The following IARS2 variants were observed in gnomAD, a reference collection of about 807,000 sequenced individuals.
IARS2 encodes isoleucine--tRNA ligase, mitochondrial.
A neutral mutation model predicts 126.3 loss-of-function variants in IARS2; 56 were observed. The ratio of observed to expected loss-of-function variants is 0.44; its 90% CI spans 0.36 to 0.55. The LOEUF is 0.55. IARS2 is among the 20% of genes least tolerant of loss of function. The pLI, the probability that IARS2 is intolerant of heterozygous loss-of-function variation, is 0.00. For missense variants in IARS2, 1,127 were observed against 1,245.9 expected (o/e 0.90, Z 1.44); for synonymous variants, 407 against 441.1 (o/e 0.92, Z 0.97).
chr1:220,120,665 C>T (rs747107505), intron 12 of IARS2, among the ~76,000 whole-genome samples: 3 of 152,054 alleles, frequency 2.0e-5, no homozygotes, highest in African/African-American at 4.8e-5. Context: ...TGTGAGCCAC[C>T]GTGCCCGCCC....
intron 12 of IARS2, among the ~76,000 whole-genome samples, chr1:220,123,671 G>T (rs1265807302): frequency 6.6e-6 from 1 of 152,038 alleles, no homozygotes; most frequent in East Asian, 1.9e-4. Flanking sequence ...TAGAGATGGG[G>T]TTTCACCGTG....
intron 1 of IARS2, among the ~76,000 whole-genome samples, chr1:220,095,488 G>A (rs1206921329): frequency 6.6e-6 from 1 of 152,132 alleles, no homozygotes; most frequent in Non-Finnish European, 1.5e-5. Context: ...TTTTTTAAAG[G>A]TTTTTTAGTC....
At chr1:220,110,364 T>C (rs1017495195) in intron 10 of IARS2, among the ~76,000 whole-genome samples, 1 of 151,820 alleles carries the variant, frequency 6.6e-6, no homozygotes, top group Non-Finnish European at 1.5e-5. Context: ...CCAGCCAAGT[T>C]GACTACTCTT....
intron 10 of IARS2, 84 bp downstream of exon 10, chr1:220,107,235 A>G (rs1422114961): frequency 1.7e-5 from 14 of 809,232 alleles, no homozygotes; most frequent in Middle Eastern, 4.6e-4. Flanking sequence ...CCCTCCTTAT[A>G]CTTTAACAGA....
intron 12 of IARS2, among the ~76,000 whole-genome samples, chr1:220,115,104 A>T (rs1656887744): frequency 6.6e-6 from 1 of 152,172 alleles, no homozygotes; most frequent in African/African-American, 2.4e-5. Flanking sequence ...TTCCAGAAAA[A>T]ATGAATTCTT....
At chr1:220,096,076 T>C in intron 1 of IARS2, 28 bp from the exon 2 acceptor site, 1 of 1,267,440 alleles carries the variant, frequency 7.9e-7, no homozygotes, top group Non-Finnish European at 1.1e-6. Flanking sequence ...TATATGATGT[T>C]TAGATATCTT....
chr1:220,147,604 C>T lies in IARS2; in HGVS notation c.3008C>T (p.Pro1003Leu), dbSNP rs375446379. 1.2e-6 allele frequency: 2 copies of T among 1,613,944 alleles called. No individual in the cohort carries two copies. Among genetic ancestry groups the T allele is most frequent in the African/African-American group, 2.7e-5 (2 of 74,900 alleles). The change falls in exon 23 of 23, where the codon CCT becomes CTT. Residue 1003 changes from proline (P) to leucine (L), a missense_variant. Pro to Leu is a moderately conservative substitution (Grantham distance 98). Transcript: ENST00000366922. ...YTAESSDTLC[P>L]RCAEVVSGK Reference sequence around the variant, plus strand: ...GCGGAGTCTTCAGATACACTGTGTCCTCGATGTGCAGAAGTTGTCAGTGGA... The same window carrying T: ...GCGGAGTCTTCAGATACACTGTGTCTTCGATGTGCAGAAGTTGTCAGTGGA...
chr1:220,094,960 A>AC lies in IARS2; in HGVS notation c.267+484dup, dbSNP rs1196536306. ...GAGACCATATTGGCTAGTCACCCCC[A>AC]CCCCCCCGTCCTTAAAAAAAACCTT... On this transcript the variant is annotated intron_variant, in intron 1 of 22. Transcript: ENST00000366922. 9.2e-4 allele frequency among the ~76,000 whole-genome samples: 134 copies of AC among 145,656 alleles called. 2 individuals are homozygous for AC. The highest frequency in any genetic ancestry group is 2.9e-3 in the African/African-American group (115 of 39,544).
chr1:220,117,965 C>G (rs1172100733), intron 12 of IARS2: 2 of 486,396 alleles, frequency 4.1e-6, no homozygotes, highest in South Asian at 3.1e-5. Context: ...TGAATGATGA[C>G]TTTAATCCTC....
At chr1:220,145,874 G>C (rs1032755445) in intron 22 of IARS2, among the ~76,000 whole-genome samples, 1 of 152,312 alleles carries the variant, frequency 6.6e-6, no homozygotes, top group Non-Finnish European at 1.5e-5. Flanking sequence ...AGAAGAGGGA[G>C]AGAGATTTTC....
At chr1:220,107,178 A>T in intron 10 of IARS2, 27 bp downstream of exon 10, 1 of 1,501,818 alleles carries the variant, frequency 6.7e-7, no homozygotes, top group Non-Finnish European at 9.3e-7. Flanking sequence ...TTGATATCAT[A>T]CATGTTTTCT....
chr1:220,139,523 G>C (rs918928640), intron 18 of IARS2, among the ~76,000 whole-genome samples: 1 of 152,178 alleles, frequency 6.6e-6, no homozygotes, highest in African/African-American at 2.4e-5. Context: ...GGCCGAGGTG[G>C]GAGGATTGCT....
intron 21 of IARS2, among the ~76,000 whole-genome samples, chr1:220,144,873 A>T (rs983565136): frequency 1.3e-5 from 2 of 152,168 alleles, no homozygotes; most frequent in African/African-American, 4.8e-5. Flanking sequence ...CTTATTTCTC[A>T]TGGGCTTTAA....
At chr1:220,140,766 C>T (rs542577477) in intron 19 of IARS2, among the ~76,000 whole-genome samples, 4 of 151,886 alleles carry the variant, frequency 2.6e-5, no homozygotes, top group South Asian at 4.2e-4. Context: ...GGGCGGATCA[C>T]GAGGTCAGGA....
chr1:220,127,716 A>G (rs1455863010), intron 14 of IARS2, among the ~76,000 whole-genome samples: 1 of 152,200 alleles, frequency 6.6e-6, no homozygotes, highest in African/African-American at 2.4e-5. Context: ...ACACAATAGG[A>G]TTCCTAGTAG....
At position 220,136,917 on chromosome 1, in the gene IARS2, T is replaced by TGA; in HGVS notation, c.2049+7_2049+8dup. On this transcript the variant is annotated splice_region_variant and intron_variant, in intron 16 of 22. Coordinates refer to ENST00000366922, the MANE Select transcript of IARS2 (RefSeq NM_018060.4). ...TTGTCGTTAATGGAGGACAAGTAGG[T>TGA]GATTCTCTAAAATGTATTTTATTTT... The TGA allele has an allele frequency of 6.5e-7, 1 of 1,538,358 alleles. No homozygotes were observed. The highest frequency in any genetic ancestry group is 9.0e-7 in the Non-Finnish European group (1 of 1,114,940).
rs749120971 is a variant in IARS2, at chr1:220,094,194, C to T, written c.-23C>T. The T allele has an allele frequency of 3.1e-5, 48 of 1,532,432 alleles. No individual in the cohort carries two copies. Among genetic ancestry groups the T allele is most frequent in the African/African-American group, 7.0e-5 (5 of 71,420 alleles). 94.9% of individuals were successfully genotyped at this position (1,532,432 alleles called of 1,614,324 possible). On this transcript the variant is annotated 5_prime_UTR_variant, in exon 1 of 23. Coordinates refer to ENST00000366922, the MANE Select transcript of IARS2 (RefSeq NM_018060.4). ...CAAGCTGGGGCGGGAGCGGAGGACC[C>T]CGCTCTCAGGGGTTGCCGGACCATG...
chr1:220,106,379 C>T (rs1656681119), intron 9 of IARS2, among the ~76,000 whole-genome samples: 2 of 152,078 alleles, frequency 1.3e-5, no homozygotes, highest in African/African-American at 4.8e-5. Flanking sequence ...GCTAAACAGT[C>T]CTTTCTACAT....
At chr1:220,131,783 G>T (rs1431781417) in intron 14 of IARS2, among the ~76,000 whole-genome samples, 1 of 150,658 alleles carries the variant, frequency 6.6e-6, no homozygotes, top group East Asian at 2.0e-4. Flanking sequence ...ACGATGCCTG[G>T]CCACGTTGAA....
Sources: allele counts gnomAD v4.1 joint callset (sites outside exome capture counted in the v4.1 genomes callset), GRCh38; gene constraint gnomAD v4.1.1; transcripts MANE v1.5; gene names NCBI Gene and HGNC (gene_info 2026-07-23, HGNC 2026-07-21).